Variants in RNF220 observed in about 807,000 individuals in gnomAD.
RNF220 encodes the protein E3 ubiquitin-protein ligase RNF220.
A neutral mutation model predicts 67.1 loss-of-function variants in RNF220; 7 were observed. The ratio of observed to expected loss-of-function variants is 0.10; its 90% CI spans 0.06 to 0.20. RNF220 has a LOEUF of 0.20. Among genes scored for constraint, RNF220 ranks in the 10% least tolerant of loss-of-function variants. The pLI, the probability that RNF220 is intolerant of heterozygous loss-of-function variation, is 1.00. For synonymous variants in RNF220, 270 were observed against 283.2 expected, an observed-to-expected ratio of 0.95 and a Z score of 0.47; for missense variants, 565 against 740.3, an observed-to-expected ratio of 0.76 and a Z score of 2.75.
chr1:44,635,685 C>G (rs1222531916), intron 7 of RNF220, 97 bp downstream of exon 7: 1 of 1,596,966 alleles, frequency 6.3e-7, no homozygotes, highest in African/African-American at 1.3e-5. Flanking sequence ...GCCATCACCA[C>G]CCACCTTCCT....
chr1:44,446,321 A>C (rs1341595538), intron 2 of RNF220, among the ~76,000 whole-genome samples: 3 of 152,208 alleles, frequency 2.0e-5, no homozygotes, highest in Non-Finnish European at 2.9e-5. Context: ...TATAGAAAAG[A>C]AGCTCAAATC....
At chr1:44,527,870 G>A (rs1170174306) in intron 2 of RNF220, among the ~76,000 whole-genome samples, 3 of 132,812 alleles carry the variant, frequency 2.3e-5, no homozygotes, top group Non-Finnish European at 1.5e-5. Flanking sequence ...AGATTGCAGC[G>A]AGCCGAGATT....
chr1:44,495,324 C>T (rs1470427905), intron 2 of RNF220, among the ~76,000 whole-genome samples: 1 of 151,838 alleles, frequency 6.6e-6, no homozygotes, highest in African/African-American at 2.4e-5. Flanking sequence ...TGGCACAGAG[C>T]AGTTGATAAT....
chr1:44,576,240 G>T (rs1258130089), intron 2 of RNF220, among the ~76,000 whole-genome samples: 1 of 152,200 alleles, frequency 6.6e-6, no homozygotes, highest in African/African-American at 2.4e-5. Context: ...TGGTAGATAA[G>T]GCAGAGATTA....
At chr1:44,632,167 C>G in intron 5 of RNF220, 176 bp from the exon 6 acceptor site, 1 of 1,557,720 alleles carries the variant, frequency 6.4e-7, no homozygotes, top group Non-Finnish European at 8.7e-7. Flanking sequence ...GCCGAGAGCC[C>G]GGAGCGGCCG....
At chr1:44,640,962 G>A (rs1317567511) in intron 8 of RNF220, among the ~76,000 whole-genome samples, 1 of 152,084 alleles carries the variant, frequency 6.6e-6, no homozygotes, top group Non-Finnish European at 1.5e-5. Flanking sequence ...GTGGTTTCAG[G>A]TTCCAGGACG....
intron 2 of RNF220, among the ~76,000 whole-genome samples, chr1:44,413,308 AGC>A (rs1231684979): frequency 6.6e-6 from 1 of 152,188 alleles, no homozygotes; most frequent in Non-Finnish European, 1.5e-5. Context: ...AAGGCTAGAA[AGC>A]CGACTTCTCT....
At position 44,565,010 on chromosome 1, in the gene RNF220, G is replaced by A. The variant is rs115859107; in HGVS notation, c.626-49155G>A. On this transcript the variant is annotated intron_variant, in intron 2 of 14. Transcript: ENST00000361799. This position sits in a 1 kb window ranked among gnomAD's most constrained non-coding sequence, Gnocchi z 4.2. ...TATCCCCTGCACATAGCATGGGCCT[G>A]GCCTGAATCAACTCTATCCTTAGCA... 6.7e-6 allele frequency among the ~76,000 whole-genome samples: 1 copy of A among 150,292 alleles called. No individual in the cohort carries two copies. The highest frequency in any genetic ancestry group is 2.1e-4 in the South Asian group (1 of 4,776).
chr1:44,446,932 C>T (rs922325895), intron 2 of RNF220, among the ~76,000 whole-genome samples: 1 of 152,204 alleles, frequency 6.6e-6, no homozygotes, highest in Non-Finnish European at 1.5e-5. Flanking sequence ...TTCATAGACA[C>T]ACCTGCAGCG....
At chr1:44,644,505 T>C (rs1379516890) in intron 8 of RNF220, 193 bp from the exon 9 acceptor site, 1 of 570,802 alleles carries the variant, frequency 1.8e-6, no homozygotes. Context: ...CAGAGAAAGA[T>C]GAGGTTTGCA....
intron 2 of RNF220, among the ~76,000 whole-genome samples, chr1:44,597,468 GCACACACA>G (rs56375404): frequency 0.21 from 28,751 of 135,428 alleles, 3,324 homozygotes; most frequent in South Asian, 0.28. Flanking sequence ...TCTCTCTCAT[GCACACACA>G]CACACACACA....
chr1:44,550,882 C>T (rs577859808), intron 2 of RNF220, among the ~76,000 whole-genome samples: 4 of 152,246 alleles, frequency 2.6e-5, no homozygotes, highest in African/African-American at 9.6e-5. Flanking sequence ...ATTTCACTCA[C>T]CACCCCCATG....
chr1:44,617,720 C>T (rs921540028), intron 3 of RNF220, among the ~76,000 whole-genome samples: 2 of 152,244 alleles, frequency 1.3e-5, no homozygotes, highest in Admixed American at 6.5e-5. Flanking sequence ...GGCCTGAAAC[C>T]AGCCATTTCA....
chr1:44,596,051 G>A (rs1000003820), intron 2 of RNF220, among the ~76,000 whole-genome samples: 80 of 152,280 alleles, frequency 5.3e-4, no homozygotes, highest in East Asian at 1.4e-3. Context: ...GGCGTGCGCC[G>A]CCATGCCTGG....
At chr1:44,623,610 C>T (rs137866422) in intron 4 of RNF220, among the ~76,000 whole-genome samples, 1 of 152,278 alleles carries the variant, frequency 6.6e-6, no homozygotes, top group Non-Finnish European at 1.5e-5. Context: ...ACCCCTAGCC[C>T]ATTTTATAGG....
chr1:44,510,232 C>G (rs992979349), intron 2 of RNF220, among the ~76,000 whole-genome samples: 1 of 131,530 alleles, frequency 7.6e-6, no homozygotes, highest in African/African-American at 2.9e-5. Context: ...GAGTGAGACC[C>G]TGAAAAAAAA....
At chr1:44,460,072 C>A (rs1020301327) in intron 2 of RNF220, among the ~76,000 whole-genome samples, 1 of 152,160 alleles carries the variant, frequency 6.6e-6, no homozygotes, top group Non-Finnish European at 1.5e-5. Context: ...AGCAGCCACC[C>A]TGGGCAATTA....
intron 2 of RNF220, among the ~76,000 whole-genome samples, chr1:44,447,724 T>C (rs1362026859): frequency 6.6e-6 from 1 of 152,202 alleles, no homozygotes; most frequent in African/African-American, 2.4e-5. Context: ...ATTCACCCTT[T>C]AAAAACCGGA....
At chr1:44,549,550 CCT>C (rs879413702) in intron 2 of RNF220, among the ~76,000 whole-genome samples, 13 of 152,132 alleles carry the variant, frequency 8.5e-5, no homozygotes, top group African/African-American at 2.4e-4. Flanking sequence ...CTTGGAACTC[CCT>C]CTCTCTCTTC....
Sources: gnomAD v4.1 joint callset for allele counts (sites outside exome capture counted in the v4.1 genomes callset) on GRCh38, gnomAD v4.1.1 for gene constraint, Gnocchi (gnomAD v3.1) non-coding constraint, MANE v1.5 for transcripts, NCBI Gene and HGNC (gene_info 2026-07-23, HGNC 2026-07-21) for gene names.